PERP: variants seen among roughly 807,000 people sequenced by gnomAD.
PERP encodes p53 apoptosis effector related to PMP22, also known as p53 apoptosis effector related to PMP-22.
Under a neutral mutation model 20.3 loss-of-function variants are expected in PERP, and 11 were observed. That is an observed-to-expected ratio of 0.54 (90% CI 0.34 to 0.90). PERP has a LOEUF of 0.90. Ranked by LOEUF, PERP falls within the 40% of genes least tolerant of loss-of-function variation. PERP has a pLI of 0.02. For missense variants in PERP, 224 were observed against 249.4 expected (o/e 0.90, Z 0.69); for synonymous variants, 101 against 102.0 (o/e 0.99, Z 0.06).
intron 1 of PERP, among the ~76,000 whole-genome samples, chr6:138,098,668 C>T (rs1477646879): frequency 6.6e-6 from 1 of 152,192 alleles, no homozygotes; most frequent in Non-Finnish European, 1.5e-5. Context: ...TCCACATGCC[C>T]TTCTCCAACT....
chr6:138,094,245 CT>C (rs1384970843), intron 2 of PERP, among the ~76,000 whole-genome samples: 4 of 152,132 alleles, frequency 2.6e-5, no homozygotes, highest in Admixed American at 2.0e-4. Flanking sequence ...ATACCCAAAA[CT>C]TTTTCATCTG....
At position 138,107,368 on chromosome 6, in the gene PERP, A is replaced by C; in HGVS notation, c.-28T>G. 2.0e-6 allele frequency: 3 copies of C among 1,492,618 alleles called. No individual in the cohort carries two copies. Among genetic ancestry groups the C allele is most frequent in the Non-Finnish European group, 2.7e-6 (3 of 1,124,550 alleles). The allele number at this position is 1,492,618 out of a possible 1,614,324, so 92.5% of individuals were successfully genotyped here. A position where few individuals can be genotyped will look rare whatever the true frequency, so the allele number is the denominator to read the frequency against. On this transcript the variant is annotated 5_prime_UTR_variant, in exon 1 of 3. Transcript: ENST00000421351. The surrounding 1 kb of genome is among the most constrained non-coding windows in gnomAD (Gnocchi z 4.8). ...TGACGGGCGGCGCGGGGCCGAGCGGAGCGGAGCGGAGCGGGTCGGAGGAGC... is the reference window on the plus strand; with the variant it reads ...TGACGGGCGGCGCGGGGCCGAGCGGCGCGGAGCGGAGCGGGTCGGAGGAGC...
rs1433620111 is a variant in PERP, at chr6:138,089,324, T to G, written c.*2718A>C. The G allele has an allele frequency of 1.3e-5, 2 of 152,214 alleles. No individual in the cohort carries two copies. Among genetic ancestry groups the G allele is most frequent in the Non-Finnish European group, 2.9e-5 (2 of 68,032 alleles). The allele number at this position is 152,214 out of a possible 1,614,324, so 9.4% of individuals were successfully genotyped here. A position where few individuals can be genotyped will look rare whatever the true frequency, so the allele number is the denominator to read the frequency against. On this transcript the variant is annotated 3_prime_UTR_variant, in exon 3 of 3. Transcript: ENST00000421351. The stretch of plus-strand genomic sequence containing the variant: ...TTATGATGACTATATTTTCCATTGT[T>G]TTCATTTCCTTAAAAAAGGAAAGGC...
At chr6:138,102,287 A>C (rs1010927172) in intron 1 of PERP, among the ~76,000 whole-genome samples, 1 of 152,248 alleles carries the variant, frequency 6.6e-6, no homozygotes, top group Non-Finnish European at 1.5e-5. Flanking sequence ...GGGTGAAAAC[A>C]GGAAAAGTCA....
At position 138,089,845 on chromosome 6, in the gene PERP, G is replaced by C. The variant is rs367790906; in HGVS notation, c.*2197C>G. On this transcript the variant is annotated 3_prime_UTR_variant, in exon 3 of 3. Coordinates refer to ENST00000421351, the MANE Select transcript of PERP (RefSeq NM_022121.5). ...GACATGGTTCTATTATATCAGGCTCGTTGGTCCCAGGAGGTTGCATTTTTC... is the reference window on the plus strand; with the variant it reads ...GACATGGTTCTATTATATCAGGCTCCTTGGTCCCAGGAGGTTGCATTTTTC... 2 of 152,136 alleles carry C rather than the reference G, an allele frequency of 1.3e-5. No individual in the cohort carries two copies. Among genetic ancestry groups the C allele is most frequent in the East Asian group, 1.9e-4 (1 of 5,202 alleles). 9.4% of individuals were successfully genotyped at this position (152,136 alleles called of 1,614,324 possible). A position where few individuals can be genotyped will look rare whatever the true frequency, so the allele number is the denominator to read the frequency against.
chr6:138,097,091 TG>T (rs1219991694), intron 1 of PERP, among the ~76,000 whole-genome samples: 3 of 152,220 alleles, frequency 2.0e-5, no homozygotes, highest in Admixed American at 2.0e-4. Flanking sequence ...ATAACAAGCT[TG>T]GGAGCAAACC....
intron 2 of PERP, among the ~76,000 whole-genome samples, chr6:138,094,315 T>C (rs1218392614): frequency 6.6e-6 from 1 of 150,668 alleles, no homozygotes; most frequent in Non-Finnish European, 1.5e-5. Flanking sequence ...CCCCAGCCCC[T>C]GGTAACTTTT....
intron 2 of PERP, 72 bp from the exon 3 acceptor site, chr6:138,092,340 G>T: frequency 7.9e-7 from 1 of 1,270,586 alleles, no homozygotes; most frequent in Non-Finnish European, 1.1e-6. Flanking sequence ...ATTAGCGACA[G>T]ATTACCTCCT....
chr6:138,095,463 A>G (rs1318822066), intron 2 of PERP, among the ~76,000 whole-genome samples: 1 of 152,086 alleles, frequency 6.6e-6, no homozygotes, highest in Non-Finnish European at 1.5e-5. Context: ...GACCCCTTAG[A>G]GTCATAAGGC....
chr6:138,091,989 T>C lies in PERP; in HGVS notation c.*53A>G. 6.5e-7 allele frequency: 1 copy of C among 1,534,150 alleles called. No individual in the cohort carries two copies. The highest frequency in any genetic ancestry group is 1.2e-5 in the South Asian group (1 of 83,100). ...AAAGTCGCCTGGAGAAACAGTTTCTTCTTCTGGAGTCCATCTCAGCAGCAG... is the reference window on the plus strand; with the variant it reads ...AAAGTCGCCTGGAGAAACAGTTTCTCCTTCTGGAGTCCATCTCAGCAGCAG... On this transcript the variant is annotated 3_prime_UTR_variant, in exon 3 of 3. Coordinates refer to ENST00000421351, the MANE Select transcript of PERP (RefSeq NM_022121.5).
At chr6:138,106,137 G>T (rs554546705) in intron 1 of PERP, among the ~76,000 whole-genome samples, 1 of 152,082 alleles carries the variant, frequency 6.6e-6, no homozygotes, top group Non-Finnish European at 1.5e-5. Context: ...AAACAGGCAG[G>T]GTAGCTTGCT....
At position 138,107,191 on chromosome 6, in the gene PERP, T is replaced by C; in HGVS notation, c.150A>G (p.Lys50=). The part of the protein sequence containing the change: ...DHGQTSSLWW[K]CSQEGGGSGS... ...CGCTGCCGCCGCCCTCTTGGGAGCA[T>C]TTCCACCACAGCGAGGACGTCTGGC... is the stretch of plus-strand genomic sequence containing the variant. Residue 50 remains lysine, a synonymous_variant, in exon 1 of 3, where the codon AAA becomes AAG. Transcript: ENST00000421351. This position sits in a 1 kb window ranked among gnomAD's most constrained non-coding sequence, Gnocchi z 4.8. 1 of 1,612,280 alleles carries C rather than the reference T, an allele frequency of 6.2e-7. No homozygotes were observed. The highest frequency in any genetic ancestry group is 8.5e-7 in the Non-Finnish European group (1 of 1,179,594).
At chr6:138,099,820 C>G (rs79809523) in intron 1 of PERP, among the ~76,000 whole-genome samples, 1 of 152,168 alleles carries the variant, frequency 6.6e-6, no homozygotes, top group African/African-American at 2.4e-5. Flanking sequence ...AAAGCCAAGA[C>G]GTGAACATAA....
At chr6:138,100,210 T>C (rs1775751416) in intron 1 of PERP, among the ~76,000 whole-genome samples, 2 of 152,200 alleles carry the variant, frequency 1.3e-5, no homozygotes, top group Admixed American at 6.5e-5. Flanking sequence ...ATGTAGAGAC[T>C]TAGGACATGG....
In PERP at chr6:138,089,143, C is replaced by T. The variant is rs1014961439; in HGVS notation, c.*2899G>A. 6.6e-6 allele frequency: 1 copy of T among 152,022 alleles called. No individual in the cohort carries two copies. The highest frequency in any genetic ancestry group is 1.5e-5 in the Non-Finnish European group (1 of 68,012). 9.4% of individuals were successfully genotyped at this position (152,022 alleles called of 1,614,324 possible). A position where few individuals can be genotyped will look rare whatever the true frequency, so the allele number is the denominator to read the frequency against. On this transcript the variant is annotated 3_prime_UTR_variant, in exon 3 of 3. Coordinates refer to ENST00000421351, the MANE Select transcript of PERP (RefSeq NM_022121.5). ...GAGACCAGCAGGGAGATGACCTGCCCAAGCCTGCACAGATAGCAAGGACCA... is the reference window on the plus strand; with the variant it reads ...GAGACCAGCAGGGAGATGACCTGCCTAAGCCTGCACAGATAGCAAGGACCA...
At chr6:138,092,710 C>G (rs1415793977) in intron 2 of PERP, among the ~76,000 whole-genome samples, 5 of 152,114 alleles carry the variant, frequency 3.3e-5, no homozygotes, top group Admixed American at 3.3e-4. Context: ...TATATACACA[C>G]AGGCATGCAC....
chr6:138,096,819 T>C (rs1775701852), intron 1 of PERP, among the ~76,000 whole-genome samples: 1 of 152,228 alleles, frequency 6.6e-6, no homozygotes, highest in South Asian at 2.1e-4. Flanking sequence ...GGTATATTTA[T>C]AAGGTTCACC....
intron 1 of PERP, among the ~76,000 whole-genome samples, chr6:138,097,643 T>C (rs926360180): frequency 6.6e-6 from 1 of 152,182 alleles, no homozygotes; most frequent in Non-Finnish European, 1.5e-5. Flanking sequence ...AAATGAAGGA[T>C]ATACTTAGAG....
At position 138,107,207 on chromosome 6, in the gene PERP, G is replaced by C. The variant is rs748885072; in HGVS notation, c.134C>G (p.Ser45Cys). The change falls in exon 1 of 3, where the codon TCC (serine) becomes TGC (cysteine). Residue 45 changes from serine to cysteine, a missense_variant. Transcript: ENST00000421351. This position sits in a 1 kb window ranked among gnomAD's most constrained non-coding sequence, Gnocchi z 4.8. The part of the protein sequence containing the change: ...WLQSSDHGQT[S>C]SLWWKCSQEG... ...TTGGGAGCATTTCCACCACAGCGAG[G>C]ACGTCTGGCCGTGGTCGCTAGACTG... The C allele has an allele frequency of 6.2e-7, 1 of 1,612,424 alleles. No homozygotes were observed. Among genetic ancestry groups the C allele is most frequent in the Non-Finnish European group, 8.5e-7 (1 of 1,179,670 alleles).
Sources: allele counts gnomAD v4.1 joint callset (sites outside exome capture counted in the v4.1 genomes callset), GRCh38; gene constraint gnomAD v4.1.1; non-coding constraint Gnocchi (gnomAD v3.1); transcripts MANE v1.5; gene names NCBI Gene and HGNC (gene_info 2026-07-23, HGNC 2026-07-21).